PVT1: variants seen among roughly 807,000 people sequenced by gnomAD.
The protein encoded by PVT1 is CXCR4/PVT1 fusion.
intron 3 of PVT1, among the ~76,000 whole-genome samples, chr8:127,985,467 G>A (rs181994191): frequency 6.6e-6 from 1 of 150,464 alleles, no homozygotes; most frequent in East Asian, 2.0e-4. Flanking sequence ...TCGATTTACA[G>A]ATGAAGACCA....
intron 6 of PVT1, chr8:128,099,846 T>C (rs904777649): frequency 1.3e-5 from 2 of 152,202 alleles, no homozygotes; most frequent in African/African-American, 2.4e-5. Flanking sequence ...TCAATAGTCT[T>C]CTACAACAAA....
At chr8:128,038,548 A>G (rs4733828) in intron 4 of PVT1, among the ~76,000 whole-genome samples, 56,914 of 152,018 alleles carry the variant, frequency 0.37, 12,981 homozygotes, top group Non-Finnish European at 0.52. Flanking sequence ...CTCTGGAGTA[A>G]CAAGCCTCTG....
chr8:128,081,232 A>T (rs1814172378), intron 5 of PVT1, among the ~76,000 whole-genome samples: 1 of 152,240 alleles, frequency 6.6e-6, no homozygotes, highest in South Asian at 2.1e-4. Context: ...CAGCTTGTAG[A>T]TATCCACAAA....
At chr8:127,980,170 C>T (rs1392932588) in intron 3 of PVT1, among the ~76,000 whole-genome samples, 1 of 152,206 alleles carries the variant, frequency 6.6e-6, no homozygotes, top group Admixed American at 6.6e-5. Flanking sequence ...GTGTGAACCA[C>T]TGTGCCTGGC....
At chr8:127,988,463 C>A (rs909134757) in intron 3 of PVT1, among the ~76,000 whole-genome samples, 1 of 152,176 alleles carries the variant, frequency 6.6e-6, no homozygotes, top group Non-Finnish European at 1.5e-5. Context: ...AAGTACCAGG[C>A]GCTGCTTTAG....
chr8:128,003,037 G>A (rs1303212596), intron 4 of PVT1, among the ~76,000 whole-genome samples: 1 of 117,752 alleles, frequency 8.5e-6, no homozygotes, highest in Non-Finnish European at 1.6e-5. Flanking sequence ...CCTGCTCTTT[G>A]CCCAGGCTGG....
At chr8:127,872,105 A>T (rs1815357717) in intron 2 of PVT1, among the ~76,000 whole-genome samples, 1 of 151,070 alleles carries the variant, frequency 6.6e-6, no homozygotes, top group Non-Finnish European at 1.5e-5. Flanking sequence ...AAAAACAAAA[A>T]CAAAAGAACC....
chr8:127,883,267 C>T (rs569009736), intron 2 of PVT1, among the ~76,000 whole-genome samples: 1 of 152,334 alleles, frequency 6.6e-6, no homozygotes, highest in East Asian at 1.9e-4. Flanking sequence ...ATTTACCAGC[C>T]TGTGCCAACC....
intron 4 of PVT1, chr8:128,070,103 G>A (rs1297028287): frequency 1.3e-5 from 2 of 152,054 alleles, no homozygotes; most frequent in Non-Finnish European, 2.9e-5. Flanking sequence ...TTAGACAAAT[G>A]GGATTCTGCT....
chr8:127,874,589 G>A (rs932475456), intron 2 of PVT1, among the ~76,000 whole-genome samples: 2 of 152,142 alleles, frequency 1.3e-5, no homozygotes, highest in African/African-American at 4.8e-5. Flanking sequence ...GGGGTGTTGA[G>A]AGTCTGAGCC....
At position 128,021,316 on chromosome 8, in the gene PVT1, C is replaced by T. The variant is rs189937803; in HGVS notation, n.912+32025C>T. 6.4e-3 allele frequency among the ~76,000 whole-genome samples: 367 copies of T among 57,740 alleles called. 6 individuals are homozygous for T. The highest frequency in any genetic ancestry group is 0.018 in the African/African-American group (318 of 17,310). The allele number at this position is 57,740 out of a possible 152,430, so 37.9% of individuals were successfully genotyped here. ...TTTTTTTTTTTTTTTTTTTTTGAGA[C>T]GGAGTCTAGCTCTGTTGCTCAGGCT... On this transcript the variant is annotated intron_variant and non_coding_transcript_variant, in intron 4 of 10. Coordinates refer to ENST00000651587, the Ensembl canonical transcript of PVT1.
chr8:127,980,354 G>A (rs12334659), intron 3 of PVT1, among the ~76,000 whole-genome samples: 73,171 of 151,962 alleles, frequency 0.48, 18,664 homozygotes, highest in East Asian at 0.63. Flanking sequence ...CTACCCTTAC[G>A]GAGGTTATAG....
At chr8:127,832,606 C>T (rs755044990) in intron 2 of PVT1, among the ~76,000 whole-genome samples, 6 of 152,196 alleles carry the variant, frequency 3.9e-5, no homozygotes, top group Non-Finnish European at 5.9e-5. Context: ...CGCCTGTAAT[C>T]CCAGCACTTT....
chr8:127,801,145 G>A (rs1814461264), intron 2 of PVT1, among the ~76,000 whole-genome samples: 1 of 152,240 alleles, frequency 6.6e-6, no homozygotes, highest in African/African-American at 2.4e-5. Context: ...AACCCGAGCA[G>A]CATGCAGTGT....
intron 3 of PVT1, among the ~76,000 whole-genome samples, chr8:127,981,114 C>T (rs896564427): frequency 6.6e-6 from 1 of 152,104 alleles, no homozygotes; most frequent in Non-Finnish European, 1.5e-5. Flanking sequence ...CAGCTTATAC[C>T]CAGTTACTTA....
At chr8:127,978,473 T>C (rs1816846796) in intron 3 of PVT1, among the ~76,000 whole-genome samples, 2 of 151,130 alleles carry the variant, frequency 1.3e-5, no homozygotes, top group Non-Finnish European at 2.9e-5. Context: ...TTTTTGTTTA[T>C]TATTATTATT....
At chr8:128,077,348 G>C (rs1216070374) in intron 5 of PVT1, among the ~76,000 whole-genome samples, 4 of 152,130 alleles carry the variant, frequency 2.6e-5, no homozygotes, top group Non-Finnish European at 5.9e-5. Flanking sequence ...GTGCTTTTCC[G>C]CTGCTGAGCT....
At chr8:127,925,241 AC>A (rs1816114896) in intron 3 of PVT1, among the ~76,000 whole-genome samples, 2 of 152,230 alleles carry the variant, frequency 1.3e-5, no homozygotes, top group Non-Finnish European at 2.9e-5. Context: ...GTTCCCTAGC[AC>A]AAGTATATTG....
intron 3 of PVT1, among the ~76,000 whole-genome samples, chr8:127,975,126 A>G (rs544634956): frequency 7.2e-5 from 11 of 152,338 alleles, no homozygotes; most frequent in African/African-American, 2.6e-4. Context: ...TGCCATGAGC[A>G]TCTTCGTGCA....
Sources: gnomAD v4.1 joint callset for allele counts (sites outside exome capture counted in the v4.1 genomes callset) on GRCh38, gnomAD v4.1.1 for gene constraint, MANE v1.5 for transcripts, NCBI Gene and HGNC (gene_info 2026-07-23, HGNC 2026-07-21) for gene names.